NUP210: variants seen among roughly 807,000 people sequenced by gnomAD.
The protein encoded by NUP210 is nuclear pore membrane glycoprotein 210.
A neutral mutation model predicts 196.0 loss-of-function variants in NUP210; 151 were observed. That is an observed-to-expected ratio of 0.77 (90% CI 0.67 to 0.88). The LOEUF (loss-of-function observed/expected upper bound fraction) is 0.88. Ranked by LOEUF, NUP210 falls within the 40% of genes least tolerant of loss-of-function variation. The probability of loss-of-function intolerance (pLI) is 0.00; values close to 1 mark genes in which losing one functional copy is unlikely to be tolerated. For synonymous variants in NUP210, 1,070 were observed against 1,052.7 expected (o/e 1.02, Z -0.32); for missense variants, 2,314 against 2,493.7 (o/e 0.93, Z 1.53).
At chr3:13,406,853 C>T (rs1056753788) in intron 1 of NUP210, among the ~76,000 whole-genome samples, 2 of 150,960 alleles carry the variant, frequency 1.3e-5, no homozygotes, top group African/African-American at 2.4e-5. Flanking sequence ...CCCCACCCCC[C>T]ACACGGCACA....
In NUP210 at chr3:13,327,396, GTGT is replaced by G; in HGVS notation, c.4325_4327del (p.Asn1442del). 6 of 1,613,276 alleles carry G rather than the reference GTGT, an allele frequency of 3.7e-6. No homozygotes were observed. Among genetic ancestry groups the G allele is most frequent in the South Asian group, 1.1e-5 (1 of 91,062 alleles). On this transcript the variant is annotated inframe_deletion, in exon 32 of 40. Transcript: ENST00000254508. ...CACGCTGACTGTGCGGACAACGCAGGTGTTGTTGGTGGGGCCCTTCCCGATCTG... is the reference window on the plus strand; with the variant it reads ...CACGCTGACTGTGCGGACAACGCAGGTGTTGGTGGGGCCCTTCCCGATCTG...
At chr3:13,374,361 T>C (rs1698832810) in intron 11 of NUP210, among the ~76,000 whole-genome samples, 1 of 152,120 alleles carries the variant, frequency 6.6e-6, no homozygotes, top group African/African-American at 2.4e-5. Context: ...CGTTCACACA[T>C]ATATACTCGC....
chr3:13,353,382 C>T (rs1469877645), intron 18 of NUP210, among the ~76,000 whole-genome samples, 172 bp downstream of exon 18: 7 of 152,098 alleles, frequency 4.6e-5, no homozygotes, highest in African/African-American at 1.4e-4. Context: ...CCTATTGGTC[C>T]CCTACTATTA....
At chr3:13,332,736 C>T (rs1227418865) in intron 28 of NUP210, among the ~76,000 whole-genome samples, 1 of 107,730 alleles carries the variant, frequency 9.3e-6, no homozygotes, top group South Asian at 2.5e-4. Context: ...CACACACACA[C>T]ACACACATGG....
rs906956605 is a variant in NUP210 at position 13,340,099 on chromosome 3, A to G, written c.3292-66T>C. The G allele has an allele frequency of 1.2e-6, 2 of 1,601,506 alleles. No individual in the cohort carries two copies. Among genetic ancestry groups the G allele is most frequent in the African/African-American group, 2.7e-5 (2 of 74,662 alleles). Reference sequence around the variant, plus strand: ...GCCAGGCAGCCCGCACCTCCCACTCAGAGAGCCAGGGCCCCAGTGCAGGCA... The same window carrying G: ...GCCAGGCAGCCCGCACCTCCCACTCGGAGAGCCAGGGCCCCAGTGCAGGCA... On this transcript the variant is annotated intron_variant, in intron 24 of 39. Transcript: ENST00000254508. The surrounding 1 kb of genome is among the most constrained non-coding windows in gnomAD (Gnocchi z 4.0).
chr3:13,387,753 C>T (rs1699323344), intron 5 of NUP210, among the ~76,000 whole-genome samples: 1 of 152,182 alleles, frequency 6.6e-6, no homozygotes, highest in Admixed American at 6.5e-5. Context: ...AGACCCACTC[C>T]TCACTCTCCT....
At chr3:13,353,019 C>T (rs1172656874) in intron 18 of NUP210, among the ~76,000 whole-genome samples, 1 of 151,986 alleles carries the variant, frequency 6.6e-6, no homozygotes, top group Non-Finnish European at 1.5e-5. Flanking sequence ...GTGACGCCCC[C>T]TCACTCCCAA....
intron 13 of NUP210, among the ~76,000 whole-genome samples, chr3:13,369,312 C>T (rs1026378953): frequency 3.3e-5 from 5 of 152,184 alleles, no homozygotes; most frequent in African/African-American, 1.2e-4. Context: ...GAGTTCTTTA[C>T]ATATCCTAGA....
Position 13,386,404 on chromosome 3 carries a change from C to T in NUP210, c.688G>A (p.Val230Ile). Residue 230 changes from valine to isoleucine, a missense_variant, in exon 6 of 40, where the codon GTA (valine) becomes ATA (isoleucine). By Grantham distance (29) the Val-to-Ile change is conservative. Coordinates refer to ENST00000254508, the MANE Select transcript of NUP210 (RefSeq NM_024923.4). ...AGCAGCCTGACTTCTGCAGGGCGTACATTCTTGGCATAAAGAAAAGGCAGA... is the reference window on the plus strand; with the variant it reads ...AGCAGCCTGACTTCTGCAGGGCGTATATTCTTGGCATAAAGAAAAGGCAGA... Reference protein sequence around the residue: ...ARIQEAVYKNVRPAEVRLLIL... With the variant: ...ARIQEAVYKNIRPAEVRLLIL... 1.2e-6 allele frequency: 2 copies of T among 1,613,982 alleles called. No individual in the cohort carries two copies. Among genetic ancestry groups the T allele is most frequent in the Non-Finnish European group, 1.7e-6 (2 of 1,179,990 alleles).
intron 20 of NUP210, among the ~76,000 whole-genome samples, chr3:13,346,221 C>T (rs865877703): frequency 9.9e-5 from 15 of 152,224 alleles, no homozygotes; most frequent in Admixed American, 2.6e-4. Flanking sequence ...CACAGCGATG[C>T]TGTAAGGGCG....
intron 1 of NUP210, among the ~76,000 whole-genome samples, chr3:13,412,269 T>G (rs1421832211): frequency 6.9e-6 from 1 of 144,314 alleles, no homozygotes; most frequent in Non-Finnish European, 1.5e-5. Context: ...GGTTTCGCTA[T>G]GTTGCCCAGG....
chr3:13,327,401 G>T lies in NUP210; in HGVS notation c.4323C>A (p.Asn1441Lys). 2 of 1,613,198 alleles carry T rather than the reference G, an allele frequency of 1.2e-6. No individual in the cohort carries two copies. Among genetic ancestry groups the T allele is most frequent in the Non-Finnish European group, 1.7e-6 (2 of 1,179,832 alleles). Residue 1441 changes from asparagine to lysine, a missense_variant, in exon 32 of 40, where the codon AAC (asparagine) becomes AAA (lysine). By Grantham distance (94) the Asn-to-Lys change is moderately conservative. Transcript: ENST00000254508. Reference protein sequence around the residue: ...DFVQIGKGPTNNTCVVRTVSV... With the variant: ...DFVQIGKGPTKNTCVVRTVSV... ...TGACTGTGCGGACAACGCAGGTGTT[G>T]TTGGTGGGGCCCTTCCCGATCTGCA... is the stretch of plus-strand genomic sequence containing the variant.
In NUP210 at chr3:13,319,197, G is replaced by T; in HGVS notation, c.5479+33C>A. Reference sequence around the variant, plus strand: ...TTGGTTAGAGCAGGTCGGGGCAGGGGAACAGACCCAGAGATACAGGCAGCC... The same window carrying T: ...TTGGTTAGAGCAGGTCGGGGCAGGGTAACAGACCCAGAGATACAGGCAGCC... On this transcript the variant is annotated intron_variant, in intron 38 of 39. Transcript: ENST00000254508. The T allele has an allele frequency of 1.9e-6, 3 of 1,611,660 alleles. No homozygotes were observed. The South Asian group carries it at 3.3e-5, about 18-fold the overall frequency.
intron 6 of NUP210, among the ~76,000 whole-genome samples, chr3:13,385,004 G>C (rs1699225161): frequency 6.6e-6 from 1 of 152,222 alleles, no homozygotes; most frequent in Non-Finnish European, 1.5e-5. Flanking sequence ...CTGAAGGGCA[G>C]ATGCTGCTTG....
At position 13,340,050 on chromosome 3, in the gene NUP210, C is replaced by T. The variant is rs2124858872; in HGVS notation, c.3292-17G>A. 1 of 1,610,966 alleles carries T rather than the reference C, an allele frequency of 6.2e-7. No individual in the cohort carries two copies. The highest frequency in any genetic ancestry group is 1.1e-5 in the South Asian group (1 of 90,976). ...GGAGGTGACCTGAGCGGGGAGGAAA[C>T]AGCGGCGTGTCAGTGCCCGTCATGC... On this transcript the variant is annotated splice_polypyrimidine_tract_variant and intron_variant, in intron 24 of 39. Coordinates refer to ENST00000254508, the MANE Select transcript of NUP210 (RefSeq NM_024923.4). The surrounding 1 kb of genome is among the most constrained non-coding windows in gnomAD (Gnocchi z 4.0).
intron 28 of NUP210, among the ~76,000 whole-genome samples, chr3:13,333,952 G>A (rs1469082111): frequency 1.3e-5 from 2 of 152,196 alleles, no homozygotes; most frequent in African/African-American, 4.8e-5. Context: ...GGAGAAAACA[G>A]GGAGTGGCGG....
At position 13,371,912 on chromosome 3, in the gene NUP210, C is replaced by T. The variant is rs993458274; in HGVS notation, c.1708G>A (p.Val570Met). Residue 570 changes from valine to methionine, a missense_variant, in exon 13 of 40, where the codon GTG becomes ATG. By Grantham distance (21) the Val-to-Met change is conservative. Transcript: ENST00000254508. ...TGGGAGCAGTCGCTCAAGGTGACCACCTCACTGGCCCCGCCGGGCATGAGG... is the reference window on the plus strand; with the variant it reads ...TGGGAGCAGTCGCTCAAGGTGACCATCTCACTGGCCCCGCCGGGCATGAGG... ...SGLMPGGASE[V>M]VTLSDCSHFD... 1.2e-6 allele frequency: 2 copies of T among 1,609,454 alleles called. No individual in the cohort carries two copies. Among genetic ancestry groups the T allele is most frequent in the South Asian group, 1.1e-5 (1 of 90,024 alleles).
intron 31 of NUP210, among the ~76,000 whole-genome samples, chr3:13,328,562 G>A (rs1696869346): frequency 6.6e-6 from 1 of 152,250 alleles, no homozygotes; most frequent in African/African-American, 2.4e-5. Flanking sequence ...GCTGATGCCT[G>A]TCTGTCTTCC....
chr3:13,403,181 C>T (rs1391378441), intron 1 of NUP210, among the ~76,000 whole-genome samples: 16 of 152,210 alleles, frequency 1.1e-4, no homozygotes, highest in Non-Finnish European at 2.1e-4. Context: ...CACAGTCACA[C>T]GTCTTAGTCT....
Sources: allele counts gnomAD v4.1 joint callset (sites outside exome capture counted in the v4.1 genomes callset), GRCh38; gene constraint gnomAD v4.1.1; non-coding constraint Gnocchi (gnomAD v3.1); transcripts MANE v1.5; gene names NCBI Gene and HGNC (gene_info 2026-07-23, HGNC 2026-07-21).